The following YPEL2 variants were observed in gnomAD, a reference collection of about 807,000 sequenced individuals.
YPEL2 encodes the protein yippee like 2.
Under a neutral mutation model 19.1 loss-of-function variants are expected in YPEL2, and 2 were observed. That is an observed-to-expected ratio of 0.10 (90% CI 0.04 to 0.33). YPEL2 has a LOEUF of 0.33. YPEL2 is among the 10% of genes least tolerant of loss of function. YPEL2 has a pLI of 1.00. For missense variants in YPEL2, 66 were observed against 140.7 expected (o/e 0.47, Z 2.68); for synonymous variants, 52 against 50.0 (o/e 1.04, Z -0.17).
chr17:59,341,090 T>A (rs1033722899), intron 1 of YPEL2, among the ~76,000 whole-genome samples: 1 of 138,424 alleles, frequency 7.2e-6, no homozygotes, highest in African/African-American at 2.7e-5. Flanking sequence ...TTTGAGATGC[T>A]GAGGCGGGCA....
At chr17:59,393,478 A>T (rs1256231677) in intron 4 of YPEL2, among the ~76,000 whole-genome samples, 8 of 145,120 alleles carry the variant, frequency 5.5e-5, no homozygotes, top group South Asian at 2.2e-4. Context: ...CTTTTTTTTT[A>T]TTTTTATTTT....
At chr17:59,375,986 C>T (rs550442075) in intron 2 of YPEL2, among the ~76,000 whole-genome samples, 1 of 152,208 alleles carries the variant, frequency 6.6e-6, no homozygotes, top group African/African-American at 2.4e-5. Flanking sequence ...GGAAGTTTAA[C>T]AGCTCTAGGC....
Position 59,389,483 on chromosome 17 carries a change from G to T in YPEL2, c.270+15G>T. On this transcript the variant is annotated intron_variant, in intron 4 of 4. Coordinates refer to ENST00000312655, the MANE Select transcript of YPEL2 (RefSeq NM_001005404.4). ...GCTGGAAATACGTAAGTATAAAGGA[G>T]TTTGGTTGGTAGAGGGCTGGAAGGG... The T allele has an allele frequency of 6.2e-7, 1 of 1,605,570 alleles. No individual in the cohort carries two copies.
intron 2 of YPEL2, among the ~76,000 whole-genome samples, chr17:59,387,132 C>T (rs1253768824): frequency 1.3e-5 from 2 of 151,834 alleles, no homozygotes; most frequent in African/African-American, 4.8e-5. Context: ...TTGTGGTGCA[C>T]ACCTGTGGTC....
chr17:59,354,843 G>A (rs1320168089), intron 2 of YPEL2: 2 of 152,230 alleles, frequency 1.3e-5, no homozygotes, highest in East Asian at 1.9e-4. Flanking sequence ...GCTTCCCTTC[G>A]AATTTTGGGG....
intron 1 of YPEL2, among the ~76,000 whole-genome samples, chr17:59,339,592 ACT>A (rs1363261272): frequency 1.3e-5 from 2 of 151,630 alleles, no homozygotes; most frequent in East Asian, 3.9e-4. Flanking sequence ...GTTGACTTAG[ACT>A]CTCCCATTCT....
At chr17:59,395,513 CCCTGTTTATTCGCTGGGAGA>C (rs1169838177) in intron 4 of YPEL2, among the ~76,000 whole-genome samples, 4 of 152,142 alleles carry the variant, frequency 2.6e-5, no homozygotes, top group Non-Finnish European at 5.9e-5. Flanking sequence ...AACAAAAGAG[CCCTGTTTATTCGCTGGGAGA>C]GCCCACAGTG....
intron 4 of YPEL2, among the ~76,000 whole-genome samples, chr17:59,393,217 T>G (rs1273756904): frequency 1.3e-5 from 2 of 152,068 alleles, no homozygotes; most frequent in Non-Finnish European, 2.9e-5. Context: ...AGCCTCAACC[T>G]CCTGGACCCA....
At chr17:59,393,123 G>A (rs1023043816) in intron 4 of YPEL2, among the ~76,000 whole-genome samples, 1 of 152,116 alleles carries the variant, frequency 6.6e-6, no homozygotes, top group African/African-American at 2.4e-5. Context: ...AAATGCCTCT[G>A]TGTCTCGGGG....
intron 1 of YPEL2, among the ~76,000 whole-genome samples, chr17:59,336,808 G>A (rs985644256): frequency 2.0e-5 from 3 of 152,136 alleles, no homozygotes; most frequent in Non-Finnish European, 4.4e-5. Flanking sequence ...AGTAAAGACT[G>A]AAAATGCCAC....
chr17:59,351,092 G>A (rs1414658495), intron 1 of YPEL2, among the ~76,000 whole-genome samples: 1 of 152,142 alleles, frequency 6.6e-6, no homozygotes, highest in Non-Finnish European at 1.5e-5. Context: ...AAAGGTGGAA[G>A]GGCCAGGTGC....
intron 1 of YPEL2, among the ~76,000 whole-genome samples, chr17:59,337,272 C>G (rs1211878367): frequency 6.6e-6 from 1 of 150,576 alleles, no homozygotes; most frequent in East Asian, 2.0e-4. Flanking sequence ...ACTGCAAGCT[C>G]CGCCTCCCGG....
intron 2 of YPEL2, among the ~76,000 whole-genome samples, chr17:59,368,834 A>G (rs892329052): frequency 6.6e-6 from 1 of 152,224 alleles, no homozygotes; most frequent in African/African-American, 2.4e-5. Flanking sequence ...TGGAAAATCA[A>G]CTTCTTTAGC....
chr17:59,381,508 G>T (rs991515385), intron 2 of YPEL2, among the ~76,000 whole-genome samples: 2 of 152,154 alleles, frequency 1.3e-5, no homozygotes, highest in Admixed American at 6.5e-5. Context: ...TCACACATTT[G>T]CTCTGTTGCT....
rs1279353382 is a variant in YPEL2, at chr17:59,400,771, T to C, written c.*3581T>C. 7.2e-5 allele frequency: 11 copies of C among 152,634 alleles called. No individual in the cohort carries two copies. The highest frequency in any genetic ancestry group is 7.2e-4 in the Admixed American group (11 of 15,282). 9.5% of individuals were successfully genotyped at this position (152,634 alleles called of 1,614,324 possible). On this transcript the variant is annotated 3_prime_UTR_variant, in exon 5 of 5. Transcript: ENST00000312655. ...GCGCACACGTGTGTAAAAAGCACTTTCGATTGTGCCTCCTGTTTTCTCGAG... is the reference window on the plus strand; with the variant it reads ...GCGCACACGTGTGTAAAAAGCACTTCCGATTGTGCCTCCTGTTTTCTCGAG...
chr17:59,341,516 G>A (rs1220379140), intron 1 of YPEL2, among the ~76,000 whole-genome samples: 3 of 151,118 alleles, frequency 2.0e-5, no homozygotes, highest in Non-Finnish European at 4.4e-5. Context: ...AAAATTAGCC[G>A]GGTGTGGTGG....
chr17:59,390,610 C>T lies in YPEL2; in HGVS notation c.270+1142C>T, dbSNP rs117112439. Among the ~76,000 whole-genome samples, 1,094 of 152,350 alleles carry T rather than the reference C, an allele frequency of 7.2e-3. 11 individuals are homozygous for T. The highest frequency in any genetic ancestry group is 0.013 in the South Asian group (61 of 4,830). ...TCTCCCAAATGGACAATTATTCTTT[C>T]ATTGTTTAACTCAGCAAAAAATGTT... On this transcript the variant is annotated intron_variant, in intron 4 of 4. Coordinates refer to ENST00000312655, the MANE Select transcript of YPEL2 (RefSeq NM_001005404.4).
intron 1 of YPEL2, among the ~76,000 whole-genome samples, chr17:59,333,930 G>C (rs1390080391): frequency 2.6e-5 from 4 of 152,162 alleles, no homozygotes; most frequent in African/African-American, 7.2e-5. Context: ...TATTAACTTG[G>C]CTCTGAAGTG....
chr17:59,389,260 G>A, intron 3 of YPEL2, 100 bp from the exon 4 acceptor site: 2 of 1,089,356 alleles, frequency 1.8e-6, no homozygotes, highest in Non-Finnish European at 2.7e-6. Context: ...GGCTCCCCTT[G>A]GGACAGCCTT....
Sources: allele counts gnomAD v4.1 joint callset (sites outside exome capture counted in the v4.1 genomes callset), GRCh38; gene constraint gnomAD v4.1.1; transcripts MANE v1.5; gene names NCBI Gene and HGNC (gene_info 2026-07-23, HGNC 2026-07-21).